Variants in WWC2 observed in about 807,000 individuals in gnomAD.
The protein encoded by WWC2 is protein WWC2.
Under a neutral mutation model 138.5 loss-of-function variants are expected in WWC2, and 101 were observed. The ratio of observed to expected loss-of-function variants is 0.73; its 90% CI spans 0.62 to 0.86. The LOEUF is 0.86. Among genes scored for constraint, WWC2 ranks in the 40% least tolerant of loss-of-function variants. WWC2 has a pLI of 0.00. For synonymous variants in WWC2, 558 were observed against 538.4 expected (o/e 1.04, Z -0.50); for missense variants, 1,420 against 1,419.4 (o/e 1.00, Z -0.01).
At chr4:183,167,828 G>A (rs928539808) in intron 1 of WWC2, among the ~76,000 whole-genome samples, 12 of 150,620 alleles carry the variant, frequency 8.0e-5, no homozygotes, top group African/African-American at 2.9e-4. Flanking sequence ...TAGATACCTT[G>A]ATTTTATGTA....
rs57816409 is a variant in WWC2 at position 183,259,216 on chromosome 4, C to T, written c.1197-423C>T. ...ATGTTGGAACAAGCGTTACTAAATT[C>T]GGTATTTAGGGTGACCTTTACTGTT... On this transcript the variant is annotated intron_variant, in intron 9 of 22. Coordinates refer to ENST00000403733, the MANE Select transcript of WWC2 (RefSeq NM_024949.6). Among the ~76,000 whole-genome samples, 247 of 152,200 alleles carry T rather than the reference C, an allele frequency of 1.6e-3. 2 individuals carry two copies. The highest frequency in any genetic ancestry group is 5.5e-3 in the African/African-American group (228 of 41,516).
At chr4:183,243,555 A>G (rs948002783) in intron 5 of WWC2, among the ~76,000 whole-genome samples, 3 of 152,126 alleles carry the variant, frequency 2.0e-5, no homozygotes, top group African/African-American at 4.8e-5. Context: ...GTCCCATCAG[A>G]TATTCTAAAT....
intron 1 of WWC2, among the ~76,000 whole-genome samples, chr4:183,132,694 C>G (rs1257166355): frequency 2.0e-5 from 3 of 152,032 alleles, no homozygotes; most frequent in African/African-American, 7.2e-5. Flanking sequence ...ACCTCGTGAT[C>G]CGCCCTCCTC....
At chr4:183,231,330 C>T (rs1325676737) in intron 4 of WWC2, among the ~76,000 whole-genome samples, 3 of 126,016 alleles carry the variant, frequency 2.4e-5, no homozygotes, top group Non-Finnish European at 4.7e-5. Flanking sequence ...AATGCAGTGG[C>T]GCGATCTCAG....
intron 1 of WWC2, among the ~76,000 whole-genome samples, chr4:183,143,944 G>T (rs1430067707): frequency 6.6e-6 from 1 of 152,140 alleles, no homozygotes; most frequent in Non-Finnish European, 1.5e-5. Flanking sequence ...TTTAAGTGAT[G>T]ACTTTGTATG....
At chr4:183,284,198 C>T in intron 18 of WWC2, 28 bp from the exon 19 acceptor site, 1 of 1,607,034 alleles carries the variant, frequency 6.2e-7, no homozygotes. Flanking sequence ...TCTTTCAGCT[C>T]CTGACAAATT....
chr4:183,157,415 G>T (rs1301530657), intron 1 of WWC2, among the ~76,000 whole-genome samples: 2 of 152,194 alleles, frequency 1.3e-5, no homozygotes, highest in Admixed American at 6.5e-5. Flanking sequence ...TGTCTGCCAG[G>T]TTTCTGGCAG....
At chr4:183,292,802 C>T (rs4862154) in intron 21 of WWC2, among the ~76,000 whole-genome samples, 7,451 of 152,200 alleles carry the variant, frequency 0.049, 224 homozygotes, top group South Asian at 0.085. Flanking sequence ...GATAAAGATT[C>T]TATCAAAAGG....
intron 1 of WWC2, among the ~76,000 whole-genome samples, chr4:183,189,442 A>G (rs1734926802): frequency 6.6e-6 from 1 of 152,120 alleles, no homozygotes; most frequent in East Asian, 1.9e-4. Flanking sequence ...GTCTCAAAAA[A>G]AAAAAAAAAA....
chr4:183,135,722 A>C (rs929979069), intron 1 of WWC2, among the ~76,000 whole-genome samples: 4 of 152,104 alleles, frequency 2.6e-5, no homozygotes, highest in Non-Finnish European at 5.9e-5. Context: ...CTCAGTGCAT[A>C]CCTTTTCAAG....
At chr4:183,139,280 C>T (rs150054266) in intron 1 of WWC2, among the ~76,000 whole-genome samples, 62 of 152,302 alleles carry the variant, frequency 4.1e-4, no homozygotes, top group African/African-American at 1.5e-3. Flanking sequence ...GTGATCTCAT[C>T]TAATCGTAGG....
intron 1 of WWC2, among the ~76,000 whole-genome samples, chr4:183,113,653 T>C (rs1732321808): frequency 6.6e-6 from 1 of 152,046 alleles, no homozygotes; most frequent in South Asian, 2.1e-4. Flanking sequence ...CTCTGCAGCC[T>C]CCCAAAGTGC....
At chr4:183,205,831 C>T (rs1735431418) in intron 2 of WWC2, among the ~76,000 whole-genome samples, 1 of 152,202 alleles carries the variant, frequency 6.6e-6, no homozygotes, top group African/African-American at 2.4e-5. Context: ...GAAACTGTCA[C>T]AGCCCTGTGT....
intron 20 of WWC2, 38 bp downstream of exon 20, chr4:183,286,097 C>A: frequency 6.5e-7 from 1 of 1,529,786 alleles, no homozygotes; most frequent in Non-Finnish European, 8.9e-7. Context: ...TGTCCCTGGA[C>A]CAGTCCAGAA....
At position 183,320,247 on chromosome 4, in the gene WWC2, T is replaced by G; in HGVS notation, c.*4518T>G. On this transcript the variant is annotated 3_prime_UTR_variant, in exon 23 of 23. Transcript: ENST00000403733. The stretch of plus-strand genomic sequence containing the variant: ...AATGTCCTGAGAGCTTTAGCCAAAC[T>G]AACTCCTGCCCTTCGGTTGCTGTGA... 2.5e-6 allele frequency: 4 copies of G among 1,582,026 alleles called. No homozygotes were observed. Among genetic ancestry groups the G allele is most frequent in the Middle Eastern group, 1.7e-4 (1 of 5,900 alleles).
intron 1 of WWC2, among the ~76,000 whole-genome samples, chr4:183,115,997 A>G (rs1732397235): frequency 6.6e-6 from 1 of 152,162 alleles, no homozygotes; most frequent in African/African-American, 2.4e-5. Flanking sequence ...TCTTTAATCC[A>G]GCTCTAGTTG....
At chr4:183,126,829 A>C (rs7672976) in intron 1 of WWC2, among the ~76,000 whole-genome samples, 1,573 of 151,850 alleles carry the variant, frequency 0.01, 36 homozygotes, top group African/African-American at 0.035. Flanking sequence ...TCCTGGCTCA[A>C]GTGATCTTTC....
intron 1 of WWC2, among the ~76,000 whole-genome samples, chr4:183,180,278 C>T (rs1734588358): frequency 6.6e-6 from 1 of 152,166 alleles, no homozygotes; most frequent in Non-Finnish European, 1.5e-5. Flanking sequence ...TAGGCATCTG[C>T]AACGCAGATA....
At chr4:183,148,515 T>G (rs1445304275) in intron 1 of WWC2, among the ~76,000 whole-genome samples, 1 of 152,234 alleles carries the variant, frequency 6.6e-6, no homozygotes, top group Non-Finnish European at 1.5e-5. Context: ...GTATGTTCCC[T>G]GCTGCCTTCC....
Sources: gnomAD v4.1 joint callset for allele counts (sites outside exome capture counted in the v4.1 genomes callset) on GRCh38, gnomAD v4.1.1 for gene constraint, MANE v1.5 for transcripts, NCBI Gene and HGNC (gene_info 2026-07-23, HGNC 2026-07-21) for gene names.